Variants in CCSER1 observed in about 807,000 individuals in gnomAD.
CCSER1 encodes serine-rich coiled-coil domain-containing protein 1.
In CCSER1, 41 loss-of-function variants were observed where a neutral mutation model predicts 82.0. That is an observed-to-expected ratio of 0.50 (90% CI 0.39 to 0.65). CCSER1 has a LOEUF of 0.65. CCSER1 is among the 30% of genes least tolerant of loss of function. The pLI, the probability that CCSER1 is intolerant of heterozygous loss-of-function variation, is 0.00. For synonymous variants in CCSER1, 414 were observed against 383.9 expected, an observed-to-expected ratio of 1.08 and a Z score of -0.92; for missense variants, 1,119 against 1,064.2, an observed-to-expected ratio of 1.05 and a Z score of -0.72.
chr4:91,216,351 G>A (rs113062798), intron 10 of CCSER1, among the ~76,000 whole-genome samples: 8,816 of 152,152 alleles, frequency 0.058, 493 homozygotes, highest in African/African-American at 0.15. Flanking sequence ...ACAGAGTCTC[G>A]CTCTGTCGCC....
At chr4:90,863,142 A>C (rs1303299610) in intron 8 of CCSER1, among the ~76,000 whole-genome samples, 5 of 144,702 alleles carry the variant, frequency 3.5e-5, no homozygotes, top group East Asian at 2.1e-4. Context: ...TCCTGTGTCC[A>C]TTTGTTCTCA....
chr4:90,527,402 C>T (rs1773926222), intron 5 of CCSER1, among the ~76,000 whole-genome samples: 1 of 152,144 alleles, frequency 6.6e-6, no homozygotes, highest in African/African-American at 2.4e-5. Flanking sequence ...GAGATATCAT[C>T]TCATGCCAGT....
At chr4:91,086,037 T>G in intron 10 of CCSER1, 43 bp downstream of exon 10, 1 of 1,192,698 alleles carries the variant, frequency 8.4e-7, no homozygotes, top group South Asian at 1.3e-5. Context: ...AGAGGAAACA[T>G]GGCTATGGTG....
At chr4:90,730,566 G>A (rs1477323303) in intron 7 of CCSER1, among the ~76,000 whole-genome samples, 1 of 142,568 alleles carries the variant, frequency 7.0e-6, no homozygotes, top group African/African-American at 3.0e-5. Context: ...TAGACAACCA[G>A]CAAATAAATA....
intron 10 of CCSER1, among the ~76,000 whole-genome samples, chr4:91,297,385 A>ATGTGTGTGTGTG (rs57164334): frequency 7.5e-4 from 88 of 118,070 alleles, no homozygotes; most frequent in African/African-American, 1.9e-3. Context: ...GTGTGTGTGT[A>ATGTGTGTGTGTG]TGTGTGTGTG....
chr4:91,075,711 TTTG>T, intron 9 of CCSER1, among the ~76,000 whole-genome samples: 1 of 152,326 alleles, frequency 6.6e-6, no homozygotes. Context: ...AAAGGATTTT[TTTG>T]TTGTGTGGTA....
intron 10 of CCSER1, among the ~76,000 whole-genome samples, chr4:91,206,622 G>T (rs968153429): frequency 1.3e-5 from 2 of 151,854 alleles, no homozygotes; most frequent in African/African-American, 4.8e-5. Flanking sequence ...GGGATTAGCA[G>T]GTAACTTTGG....
intron 10 of CCSER1, among the ~76,000 whole-genome samples, chr4:91,475,979 CT>C (rs1381015929): frequency 6.6e-5 from 10 of 151,672 alleles, no homozygotes; most frequent in Admixed American, 6.6e-5. Flanking sequence ...GGATTTCATT[CT>C]TTTTTATGAT....
chr4:90,445,493 G>A (rs148231153), intron 4 of CCSER1, among the ~76,000 whole-genome samples: 74 of 152,146 alleles, frequency 4.9e-4, no homozygotes, highest in African/African-American at 1.7e-3. Context: ...TTAGATGTAC[G>A]TGACTGCTTG....
chr4:90,896,285 C>A (rs75451533), intron 8 of CCSER1, among the ~76,000 whole-genome samples: 6,380 of 151,768 alleles, frequency 0.042, 323 homozygotes, highest in East Asian at 0.22. Flanking sequence ...AGTGGGTATG[C>A]CTAGTAGGCA....
chr4:90,516,265 G>A (rs564634710), intron 5 of CCSER1, among the ~76,000 whole-genome samples: 75 of 152,258 alleles, frequency 4.9e-4, no homozygotes, highest in African/African-American at 1.6e-3. Flanking sequence ...TAGAAAGGGT[G>A]CCCTTATTTT....
rs200205225 is a variant in CCSER1, at chr4:91,223,993, CA to C, written c.2217+138002del. 1.7e-3 allele frequency among the ~76,000 whole-genome samples: 262 copies of C among 150,610 alleles called. 4 individuals are homozygous for C. Among genetic ancestry groups the C allele is most frequent in the Admixed American group, 0.016 (243 of 15,094 alleles). ...CTTTTTATAACTAAAAGATTATTTC[CA>C]AACAATATTCATATTTGGAAGGAAG... On this transcript the variant is annotated intron_variant, in intron 10 of 10. Coordinates refer to ENST00000509176, the MANE Select transcript of CCSER1 (RefSeq NM_001145065.2).
At chr4:91,433,152 T>G (rs1754429303) in intron 10 of CCSER1, among the ~76,000 whole-genome samples, 1 of 152,186 alleles carries the variant, frequency 6.6e-6, no homozygotes, top group South Asian at 2.1e-4. Flanking sequence ...GATTAGCAAT[T>G]CTTCTCTTTC....
chr4:91,442,166 C>T (rs1479778904), intron 10 of CCSER1, among the ~76,000 whole-genome samples: 1 of 150,920 alleles, frequency 6.6e-6, no homozygotes, highest in Non-Finnish European at 1.5e-5. Flanking sequence ...ATCGCCAAGT[C>T]AATCCTAAGC....
intron 4 of CCSER1, among the ~76,000 whole-genome samples, chr4:90,438,423 A>G (rs556220307): frequency 4.6e-5 from 7 of 152,144 alleles, no homozygotes; most frequent in Non-Finnish European, 7.4e-5. Flanking sequence ...TATGCTGCCA[A>G]ATATTGGTGA....
chr4:91,557,900 A>C (rs1403466608), intron 10 of CCSER1, among the ~76,000 whole-genome samples: 1 of 151,392 alleles, frequency 6.6e-6, no homozygotes, highest in African/African-American at 2.4e-5. Flanking sequence ...TGTAAGCAAA[A>C]TGTAAGCATT....
At chr4:90,782,080 A>G in intron 7 of CCSER1, 1 of 535,240 alleles carries the variant, frequency 1.9e-6, no homozygotes, top group Non-Finnish European at 2.4e-6. Flanking sequence ...TGAGTATTCA[A>G]GGATTAATTG....
At chr4:90,426,096 A>G (rs1757493770) in intron 4 of CCSER1, among the ~76,000 whole-genome samples, 1 of 152,132 alleles carries the variant, frequency 6.6e-6, no homozygotes, top group South Asian at 2.1e-4. Context: ...GGAAAGTGCG[A>G]TACATGGTAG....
At chr4:91,203,642 A>C (rs1736111538) in intron 10 of CCSER1, among the ~76,000 whole-genome samples, 1 of 102,134 alleles carries the variant, frequency 9.8e-6, no homozygotes, top group African/African-American at 4.0e-5. Context: ...ATGCATATAT[A>C]CTATGTTAAA....
Sources: allele counts gnomAD v4.1 joint callset (sites outside exome capture counted in the v4.1 genomes callset), GRCh38; gene constraint gnomAD v4.1.1; transcripts MANE v1.5; gene names NCBI Gene and HGNC (gene_info 2026-07-23, HGNC 2026-07-21).